The following RFT1 variants were observed in gnomAD, a reference collection of about 807,000 sequenced individuals.
The protein encoded by RFT1 is RFT1 glycolipid translocator homolog, also known as man(5)GlcNAc(2)-PP-dolichol translocation protein RFT1.
In RFT1, 43 loss-of-function variants were observed where a neutral mutation model predicts 62.2. That is an observed-to-expected ratio of 0.69 (90% CI 0.54 to 0.89). The LOEUF is 0.89. Ranked by LOEUF, RFT1 falls within the 40% of genes least tolerant of loss-of-function variation. RFT1 has a pLI of 0.00. For synonymous variants in RFT1, 262 were observed against 264.6 expected (o/e 0.99, Z 0.10); for missense variants, 605 against 649.9 (o/e 0.93, Z 0.75).
chr3:53,097,756 T>C (rs2163167), intron 11 of RFT1, among the ~76,000 whole-genome samples: 73,546 of 152,148 alleles, frequency 0.48, 19,720 homozygotes, highest in East Asian at 0.73. Context: ...ATTTCACATG[T>C]TTCCAATTAT....
At chr3:53,115,763 C>G (rs190984344) in intron 6 of RFT1, among the ~76,000 whole-genome samples, 1 of 152,352 alleles carries the variant, frequency 6.6e-6, no homozygotes. Context: ...CTCCGTGAAG[C>G]CTTCCTTGAT....
the RFT1 span, among the ~76,000 whole-genome samples, chr3:53,068,441 C>T: frequency 1.3e-5 from 2 of 152,248 alleles, no homozygotes; most frequent in African/African-American, 4.8e-5. Context: ...GTGTGTGGCA[C>T]TCATCAGATG....
chr3:53,086,515 C>T (rs967700312), downstream of RFT1, among the ~76,000 whole-genome samples: 1 of 152,072 alleles, frequency 6.6e-6, no homozygotes, highest in African/African-American at 2.4e-5. Context: ...GGGGTTTCAC[C>T]ATGTTGGCCA....
intron 1 of RFT1, among the ~76,000 whole-genome samples, chr3:53,127,882 A>G (rs561924690): frequency 5.3e-5 from 8 of 152,354 alleles, no homozygotes; most frequent in Admixed American, 5.2e-4. Context: ...ATTAAGATAG[A>G]ACAAGCTCTC....
the RFT1 span, among the ~76,000 whole-genome samples, chr3:53,079,967 C>T: frequency 7.0e-6 from 1 of 143,340 alleles, no homozygotes; most frequent in African/African-American, 3.0e-5. Context: ...CGTGGGCCAC[C>T]GTGGCCCGGG....
intron 7 of RFT1, among the ~76,000 whole-genome samples, chr3:53,107,780 A>G (rs1701529217): frequency 6.6e-6 from 1 of 152,106 alleles, no homozygotes; most frequent in Non-Finnish European, 1.5e-5. Flanking sequence ...AGTGTTGACC[A>G]CTATGGAAAA....
chr3:53,074,090 G>C, the RFT1 span, among the ~76,000 whole-genome samples: 1 of 152,176 alleles, frequency 6.6e-6, no homozygotes, highest in Non-Finnish European at 1.5e-5. Context: ...CTGTCTCTCT[G>C]AGAGGGGATC....
chr3:53,112,953 C>A (rs1226202749), intron 6 of RFT1, among the ~76,000 whole-genome samples: 1 of 152,106 alleles, frequency 6.6e-6, no homozygotes, highest in African/African-American at 2.4e-5. Context: ...CTCTCTGGGG[C>A]CCCCTCCTCT....
chr3:53,081,900 T>C, the RFT1 span, among the ~76,000 whole-genome samples: 1 of 152,068 alleles, frequency 6.6e-6, no homozygotes, highest in Non-Finnish European at 1.5e-5. Context: ...AGGTCAGGGA[T>C]GGATTGAAAA....
chr3:53,095,675 C>T (rs1365904722), intron 11 of RFT1, among the ~76,000 whole-genome samples: 2 of 151,830 alleles, frequency 1.3e-5, no homozygotes, highest in African/African-American at 4.8e-5. Flanking sequence ...ATGATTGTAC[C>T]ACTGCACTTC....
intron 11 of RFT1, among the ~76,000 whole-genome samples, chr3:53,095,785 C>T (rs1464867571): frequency 6.6e-6 from 1 of 151,986 alleles, no homozygotes; most frequent in East Asian, 1.9e-4. Context: ...CCTGAAGAAG[C>T]CCCCAGCAGG....
intron 5 of RFT1, 103 bp from the exon 6 acceptor site, chr3:53,120,124 C>T (rs567961410): frequency 2.6e-5 from 13 of 501,498 alleles, no homozygotes; most frequent in South Asian, 2.4e-4. Flanking sequence ...TGATTAACTG[C>T]ACTTTCTATT....
the RFT1 span, among the ~76,000 whole-genome samples, chr3:53,069,757 G>T: frequency 2.0e-5 from 3 of 152,218 alleles, no homozygotes; most frequent in Admixed American, 2.0e-4. Flanking sequence ...CCCGTAGAGA[G>T]CCTGGCAGAG....
chr3:53,125,930 A>G lies in RFT1; in HGVS notation c.128T>C (p.Ile43Thr). 8 of 1,613,838 alleles carry G rather than the reference A, an allele frequency of 5.0e-6. No homozygotes were observed. Among genetic ancestry groups the G allele is most frequent in the Non-Finnish European group, 6.8e-6 (8 of 1,179,780 alleles). ...CTACCTTACATTTACTACGCCAACG[A>G]TTTCCTTTGACAGGAAGCGAAGAAT... ...AFILRFLSKE[I>T]VGVVNVRLTL... Residue 43 changes from isoleucine to threonine, a missense_variant, in exon 2 of 13, where the codon ATC (isoleucine) becomes ACC (threonine). By Grantham distance (89) the Ile-to-Thr change is moderately conservative. Coordinates refer to ENST00000296292, the MANE Select transcript of RFT1 (RefSeq NM_052859.4).
At position 53,092,402 on chromosome 3, in the gene RFT1, A is replaced by C. The variant is rs1216329467; in HGVS notation, c.1425T>G (p.Phe475Leu). The stretch of plus-strand genomic sequence containing the variant: ...CAGCAGTAACCCCACCACTGAGGGC[A>C]AATGTCCCGAGCAGGACTGGCGATA... Reference protein sequence around the residue: ...LHLSPVLLGTFALSGGVTAVS... With the variant: ...LHLSPVLLGTLALSGGVTAVS... Residue 475 changes from phenylalanine (F) to leucine (L), a missense_variant, in exon 12 of 13, where the codon TTT (phenylalanine) becomes TTG (leucine). Coordinates refer to ENST00000296292, the MANE Select transcript of RFT1 (RefSeq NM_052859.4). 6.2e-7 allele frequency: 1 copy of C among 1,606,054 alleles called. No individual in the cohort carries two copies. The highest frequency in any genetic ancestry group is 1.3e-5 in the African/African-American group (1 of 74,882).
At chr3:53,080,243 G>A in the RFT1 span, among the ~76,000 whole-genome samples, 2 of 152,184 alleles carry the variant, frequency 1.3e-5, no homozygotes, top group Non-Finnish European at 2.9e-5. Context: ...CTTGTCCTGG[G>A]GAGGTGTGCG....
At chr3:53,111,706 C>A in intron 7 of RFT1, 124 bp downstream of exon 7, 1 of 802,030 alleles carries the variant, frequency 1.2e-6, no homozygotes, top group East Asian at 2.5e-5. Flanking sequence ...CCCCCTCCTC[C>A]CATTTCTGAA....
intron 11 of RFT1, among the ~76,000 whole-genome samples, chr3:53,097,443 C>A (rs977057502): frequency 1.3e-5 from 2 of 152,214 alleles, no homozygotes; most frequent in African/African-American, 4.8e-5. Context: ...GTGCTCTGGG[C>A]TCTGTTTTTT....
In RFT1 at chr3:53,120,251, C is replaced by T. The variant is rs73088350; in HGVS notation, c.559-230G>A. Reference sequence around the variant, plus strand: ...TTAACTGGAAGAACATAATTCTTCTCGGCAGGCAGAATGTAATTTCCATAA... The same window carrying T: ...TTAACTGGAAGAACATAATTCTTCTTGGCAGGCAGAATGTAATTTCCATAA... On this transcript the variant is annotated intron_variant, in intron 5 of 12. Transcript: ENST00000296292. Among the ~76,000 whole-genome samples, 9 of 152,258 alleles carry T rather than the reference C, an allele frequency of 5.9e-5. No homozygotes were observed. The South Asian group carries it at 8.3e-4, about 14-fold the overall frequency.
Sources: gnomAD v4.1 joint callset for allele counts (sites outside exome capture counted in the v4.1 genomes callset) on GRCh38, gnomAD v4.1.1 for gene constraint, MANE v1.5 for transcripts, NCBI Gene and HGNC (gene_info 2026-07-23, HGNC 2026-07-21) for gene names.